Variants in BPTF observed in about 807,000 individuals in gnomAD.
The protein encoded by BPTF is bromodomain PHD finger transcription factor, also known as nucleosome-remodeling factor subunit BPTF.
A neutral mutation model predicts 292.5 loss-of-function variants in BPTF; 18 were observed. That is an observed-to-expected ratio of 0.06 (90% CI 0.04 to 0.09). The LOEUF is 0.09. Ranked by LOEUF, BPTF falls within the 10% of genes least tolerant of loss-of-function variation. The pLI, the probability that BPTF is intolerant of heterozygous loss-of-function variation, is 1.00. For missense variants in BPTF, 2,726 were observed against 3,498.7 expected (o/e 0.78, Z 5.57); for synonymous variants, 1,225 against 1,251.9 (o/e 0.98, Z 0.45).
At chr17:67,851,409 G>A (rs957271215) in intron 1 of BPTF, among the ~76,000 whole-genome samples, 13 of 152,054 alleles carry the variant, frequency 8.5e-5, no homozygotes, top group African/African-American at 3.1e-4. Flanking sequence ...TTGTGTGCAC[G>A]TTCAATTGAG....
rs1370721170 is a variant in BPTF at position 67,854,649 on chromosome 17, T to A, written c.1323T>A (p.Gly441=). 1 of 1,614,190 alleles carries A rather than the reference T, an allele frequency of 6.2e-7. No homozygotes were observed. The highest frequency in any genetic ancestry group is 1.1e-5 in the South Asian group (1 of 91,080). The change falls in exon 2 of 28, where the codon GGT becomes GGA. Residue 441 remains glycine (G), a synonymous_variant. Coordinates refer to ENST00000306378, the MANE Select transcript of BPTF (RefSeq NM_182641.4). This position sits in a 1 kb window ranked among gnomAD's most constrained non-coding sequence, Gnocchi z 5.6. ...CEVCVAHKVP[G]VTDCVAEIQK... The stretch of plus-strand genomic sequence containing the variant: ...TCTGTGTAGCACACAAGGTGCCTGG[T>A]GTGACTGACTGTGTTGCTGAAATCC...
At chr17:67,841,208 G>GACTT (rs2057528665) in intron 1 of BPTF, among the ~76,000 whole-genome samples, 1 of 151,972 alleles carries the variant, frequency 6.6e-6, no homozygotes, top group African/African-American at 2.4e-5. Context: ...GGGAGTTTGA[G>GACTT]ACTAGCCTGA....
chr17:67,896,128 A>C (rs2061429515), intron 7 of BPTF, among the ~76,000 whole-genome samples: 1 of 151,952 alleles, frequency 6.6e-6, no homozygotes, highest in African/African-American at 2.4e-5. Context: ...ATGCCCAGCT[A>C]ATTTTTTGTA....
At chr17:67,963,232 T>A in intron 24 of BPTF, 2 of 1,327,486 alleles carry the variant, frequency 1.5e-6, no homozygotes, top group Non-Finnish European at 2.0e-6. Flanking sequence ...TTGCAGGAAG[T>A]TACACTGTAA....
intron 18 of BPTF, among the ~76,000 whole-genome samples, chr17:67,937,982 C>T (rs918498434): frequency 3.3e-5 from 5 of 151,916 alleles, no homozygotes; most frequent in Non-Finnish European, 2.9e-5. Context: ...GGCATGGTGG[C>T]GCAGCCTGTA....
Position 67,825,972 on chromosome 17 carries a change from C to T in BPTF, c.248C>T (p.Ala83Val). The part of the protein sequence containing the change: ...SRRKPPPPPP[A>V]PPSTSAPGRG... ...AGGAAGCCGCCGCCGCCGCCGCCGG[C>T]CCCCCCCAGCACCAGCGCCCCGGGC... Residue 83 changes from alanine to valine, a missense_variant, in exon 1 of 28, where the codon GCC (alanine) becomes GTC (valine). This residue lies in a region of BPTF where 103 missense variants were observed against 72.1 expected (regional missense o/e 1.43). Coordinates refer to ENST00000306378, the MANE Select transcript of BPTF (RefSeq NM_182641.4). 6 of 1,040,246 alleles carry T rather than the reference C, an allele frequency of 5.8e-6. No individual in the cohort carries two copies. Among genetic ancestry groups the T allele is most frequent in the Non-Finnish European group, 6.9e-6 (6 of 866,268 alleles). The allele number at this position is 1,040,246 out of a possible 1,614,324, so 64.4% of individuals were successfully genotyped here. A position where few individuals can be genotyped will look rare whatever the true frequency, so the allele number is the denominator to read the frequency against.
chr17:67,866,801 C>A, intron 3 of BPTF, 114 bp downstream of exon 3: 1 of 729,468 alleles, frequency 1.4e-6, no homozygotes, highest in Non-Finnish European at 2.3e-6. Flanking sequence ...TCGTGCATTG[C>A]TTAATGATGG....
chr17:67,847,332 T>C (rs747769948), intron 1 of BPTF, among the ~76,000 whole-genome samples: 20 of 151,954 alleles, frequency 1.3e-4, no homozygotes, highest in Non-Finnish European at 2.2e-4. Context: ...CTGGCCAACA[T>C]GGTGAAACCC....
intron 26 of BPTF, among the ~76,000 whole-genome samples, chr17:67,969,452 C>CAAA (rs11360473): frequency 1.3e-4 from 6 of 47,972 alleles, no homozygotes; most frequent in African/African-American, 3.4e-4. Flanking sequence ...ACTCTGTCTC[C>CAAA]AAAAAAAAAA....
At chr17:67,888,230 C>T (rs552853672) in intron 4 of BPTF, among the ~76,000 whole-genome samples, 1 of 152,128 alleles carries the variant, frequency 6.6e-6, no homozygotes, top group Non-Finnish European at 1.5e-5. Flanking sequence ...AACCTCTTTC[C>T]CACAGTTACA....
intron 11 of BPTF, among the ~76,000 whole-genome samples, chr17:67,917,131 C>CTTTTCCTTTATTTT: frequency 9.5e-6 from 1 of 105,794 alleles, no homozygotes; most frequent in African/African-American, 3.6e-5. Flanking sequence ...TGGTATTGTC[C>CTTTTCCTTTATTTT]TTTTTTTTTT....
intron 3 of BPTF, among the ~76,000 whole-genome samples, chr17:67,871,441 CAA>C (rs751011017): frequency 1.5e-4 from 12 of 80,122 alleles, no homozygotes; most frequent in African/African-American, 1.7e-4. Context: ...ACTTTGTCTC[CAA>C]AAAAAAAAAA....
In BPTF at chr17:67,945,693, T is replaced by C; in HGVS notation, c.6985T>C (p.Ser2329Pro). 1 of 1,613,926 alleles carries C rather than the reference T, an allele frequency of 6.2e-7. No homozygotes were observed. Among genetic ancestry groups the C allele is most frequent in the Non-Finnish European group, 8.5e-7 (1 of 1,180,000 alleles). The change falls in exon 21 of 28, where the codon TCT (serine) becomes CCT (proline). Residue 2329 changes from serine to proline, a missense_variant. This residue lies in a region of BPTF where 570 missense variants were observed against 633.5 expected (regional missense o/e 0.90). Transcript: ENST00000306378. ...ATCCAAGCCCCAAGTTGCAGCACAGTCTCAGCCTCAAAGTAATGTCCAAGG... is the reference window on the plus strand; with the variant it reads ...ATCCAAGCCCCAAGTTGCAGCACAGCCTCAGCCTCAAAGTAATGTCCAAGG... ...QSSKPQVAAQSQPQSNVQGQS... is the reference protein window; with the variant it reads ...QSSKPQVAAQPQPQSNVQGQS...
At chr17:67,927,731 C>T (rs1226163961) in intron 15 of BPTF, among the ~76,000 whole-genome samples, 1 of 152,030 alleles carries the variant, frequency 6.6e-6, no homozygotes, top group Non-Finnish European at 1.5e-5. Context: ...TTGTACAAGC[C>T]AGAAAAACTT....
intron 9 of BPTF, among the ~76,000 whole-genome samples, chr17:67,907,012 C>G (rs1568029583): frequency 6.6e-6 from 1 of 151,816 alleles, no homozygotes; most frequent in Non-Finnish European, 1.5e-5. Context: ...TGGCAAATCC[C>G]CATCTCTACA....
chr17:67,932,104 G>A (rs767169582), intron 18 of BPTF, 85 bp downstream of exon 18: 95 of 1,139,686 alleles, frequency 8.3e-5, no homozygotes, highest in Non-Finnish European at 1.1e-4. Context: ...CACTACATAC[G>A]AGAAATATAA....
intron 9 of BPTF, among the ~76,000 whole-genome samples, chr17:67,905,401 C>A (rs1383938858): frequency 6.6e-6 from 1 of 151,244 alleles, no homozygotes; most frequent in East Asian, 1.9e-4. Context: ...GAGCAAGACT[C>A]TGTCTCAAAA....
At chr17:67,830,516 G>A (rs575998887) in intron 1 of BPTF, among the ~76,000 whole-genome samples, 1 of 152,244 alleles carries the variant, frequency 6.6e-6, no homozygotes, top group Admixed American at 6.5e-5. Context: ...GGTACGCAGT[G>A]CAGTGGGCAT....
intron 2 of BPTF, among the ~76,000 whole-genome samples, chr17:67,860,227 T>G (rs1172178017): frequency 6.6e-6 from 1 of 152,232 alleles, no homozygotes; most frequent in Non-Finnish European, 1.5e-5. Flanking sequence ...TCAACAATTT[T>G]GACAAATCTG....
Sources: gnomAD v4.1 joint callset for allele counts (sites outside exome capture counted in the v4.1 genomes callset) on GRCh38, gnomAD v4.1.1 for gene constraint, gnomAD v4.1.1 regional missense constraint, Gnocchi (gnomAD v3.1) non-coding constraint, MANE v1.5 for transcripts, NCBI Gene and HGNC (gene_info 2026-07-23, HGNC 2026-07-21) for gene names.